The following PDE4B variants were observed in gnomAD, a reference collection of about 807,000 sequenced individuals.
The protein encoded by PDE4B is phosphodiesterase 4B.
Under a neutral mutation model 82.2 loss-of-function variants are expected in PDE4B, and 20 were observed. That is an observed-to-expected ratio of 0.24 (90% CI 0.17 to 0.35). The LOEUF is 0.35. Ranked by LOEUF, PDE4B falls within the 10% of genes least tolerant of loss-of-function variation. The pLI is 1.00. For synonymous variants in PDE4B, 320 were observed against 318.9 expected (o/e 1.00, Z -0.04); for missense variants, 655 against 907.2 (o/e 0.72, Z 3.57).
chr1:65,987,698 C>T lies in PDE4B; in HGVS notation c.281+68863C>T, dbSNP rs144451972. On this transcript the variant is annotated intron_variant, in intron 3 of 16. Transcript: ENST00000341517. Reference sequence around the variant, plus strand: ...CACAATCTCTGCTCACCACAACCTCCACTTCCTGGGTTCCAGTAATTCTCC... The same window carrying T: ...CACAATCTCTGCTCACCACAACCTCTACTTCCTGGGTTCCAGTAATTCTCC... Among the ~76,000 whole-genome samples, 8 of 152,262 alleles carry T rather than the reference C, an allele frequency of 5.3e-5. No homozygotes were observed. In the East Asian group the frequency reaches 1.5e-3, roughly 29 times the overall value.
At position 66,372,673 on chromosome 1, in the gene PDE4B, A is replaced by G; in HGVS notation, c.2206A>G (p.Thr736Ala). The change falls in exon 17 of 17, where the codon ACA becomes GCA. Residue 736 changes from threonine to alanine, a missense_variant. Physicochemically the swap from Thr to Ala is moderately conservative, Grantham distance 58. Around this residue, in one of 3 missense-constraint regions of PDE4B, gnomAD observed 119 missense variants for 115.2 expected, o/e 1.03. Transcript: ENST00000341517. The stretch of plus-strand genomic sequence containing the variant: ...AACAGAAGACAAGTCCCCCGTGGAT[A>G]CATAATCCCCCTCTCCCTGTGGAGA... ...IATEDKSPVDT is the reference protein window; with the variant it reads ...IATEDKSPVDA 3.1e-6 allele frequency: 5 copies of G among 1,610,442 alleles called. No individual in the cohort carries two copies. The highest frequency in any genetic ancestry group is 4.2e-6 in the Non-Finnish European group (5 of 1,177,732).
chr1:65,870,452 G>T (rs1646560238), intron 1 of PDE4B, among the ~76,000 whole-genome samples: 1 of 151,876 alleles, frequency 6.6e-6, no homozygotes, highest in Non-Finnish European at 1.5e-5. Flanking sequence ...GAATAGGAAG[G>T]CCAAAAATTA....
intron 3 of PDE4B, among the ~76,000 whole-genome samples, chr1:66,183,612 A>C (rs909544747): frequency 3.9e-5 from 6 of 152,204 alleles, no homozygotes; most frequent in African/African-American, 1.4e-4. Context: ...AAGCATTATC[A>C]CTTTCACTTT....
chr1:66,247,100 G>T (rs1256451078), intron 3 of PDE4B, among the ~76,000 whole-genome samples: 1 of 152,150 alleles, frequency 6.6e-6, no homozygotes, highest in Non-Finnish European at 1.5e-5. Flanking sequence ...CCCCTCTAAA[G>T]TTGCTTATTA....
rs549597640 is a variant in PDE4B at position 65,862,830 on chromosome 1, A to G, written c.-70-50415A>G. 2.2e-4 allele frequency among the ~76,000 whole-genome samples: 34 copies of G among 152,162 alleles called. 1 individual carries two copies. In the Middle Eastern group the frequency reaches 0.017, roughly 76 times the overall value. On this transcript the variant is annotated intron_variant, in intron 1 of 16. Coordinates refer to ENST00000341517, the MANE Select transcript of PDE4B (RefSeq NM_002600.4). Reference sequence around the variant, plus strand: ...ACATTTCTTCTAGATTTTCTAGTTTATTTGCATAGAGGTGTTTATAGTATT... The same window carrying G: ...ACATTTCTTCTAGATTTTCTAGTTTGTTTGCATAGAGGTGTTTATAGTATT...
intron 1 of PDE4B, among the ~76,000 whole-genome samples, chr1:65,887,232 TTC>T (rs1226629783): frequency 2.3e-4 from 6 of 25,946 alleles, no homozygotes; most frequent in African/African-American, 1.3e-3. Context: ...CTTTCTTTCT[TTC>T]TTTCTTTCTT....
At position 66,247,533 on chromosome 1, in the gene PDE4B, G is replaced by A. The variant is rs1257837118; in HGVS notation, c.355G>A (p.Val119Ile). The part of the protein sequence containing the change: ...DPQASSSAGL[V>I]LHATFPGHSQ... Reference sequence around the variant, plus strand: ...CCAGGCCAGCTCTTCCGCTGGGCTGGTACTTCACGCCACCTTTCCTGGGCA... The same window carrying A: ...CCAGGCCAGCTCTTCCGCTGGGCTGATACTTCACGCCACCTTTCCTGGGCA... The change falls in exon 4 of 17, where the codon GTA becomes ATA. Residue 119 changes from valine (V) to isoleucine (I), a missense_variant. Physicochemically the swap from Val to Ile is conservative, Grantham distance 29. Transcript: ENST00000341517. The A allele has an allele frequency of 1.2e-6, 2 of 1,613,052 alleles. No individual in the cohort carries two copies. The highest frequency in any genetic ancestry group is 1.7e-6 in the Non-Finnish European group (2 of 1,179,426).
chr1:66,359,926 A>G (rs1662616091), intron 9 of PDE4B, among the ~76,000 whole-genome samples: 1 of 152,178 alleles, frequency 6.6e-6, no homozygotes, highest in African/African-American at 2.4e-5. Context: ...GAGCAAAGTA[A>G]TTGCAAAATA....
chr1:66,060,750 G>A (rs1655543375), intron 3 of PDE4B, among the ~76,000 whole-genome samples: 1 of 152,116 alleles, frequency 6.6e-6, no homozygotes, highest in East Asian at 1.9e-4. Flanking sequence ...GGACAGTGCT[G>A]TTTTAGGTGT....
chr1:66,101,907 C>T (rs1645232699), intron 3 of PDE4B, among the ~76,000 whole-genome samples: 1 of 152,128 alleles, frequency 6.6e-6, no homozygotes, highest in Non-Finnish European at 1.5e-5. Flanking sequence ...AGTCCTTGCC[C>T]ATGCCTATGT....
chr1:65,942,362 C>A (rs1469350660), intron 3 of PDE4B, among the ~76,000 whole-genome samples: 1 of 149,406 alleles, frequency 6.7e-6, no homozygotes, highest in African/African-American at 2.5e-5. Context: ...GAAATTCCTT[C>A]TTTTTTTTTT....
At chr1:65,818,336 A>G (rs913557386) in intron 1 of PDE4B, among the ~76,000 whole-genome samples, 2 of 151,972 alleles carry the variant, frequency 1.3e-5, no homozygotes, top group African/African-American at 4.8e-5. Flanking sequence ...AATTACTTGT[A>G]ATTTTCCTAG....
At chr1:66,348,972 A>G (rs912443760) in intron 8 of PDE4B, among the ~76,000 whole-genome samples, 2 of 152,104 alleles carry the variant, frequency 1.3e-5, no homozygotes, top group Admixed American at 1.3e-4. Context: ...AGGAAACGTC[A>G]ATTTTTTAGT....
chr1:65,848,199 C>T (rs574249723), intron 1 of PDE4B, among the ~76,000 whole-genome samples: 4 of 151,540 alleles, frequency 2.6e-5, no homozygotes, highest in Non-Finnish European at 4.4e-5. Context: ...TGTGCAGTGG[C>T]GTGATCTTGG....
In PDE4B at chr1:66,146,293, C is replaced by T. The variant is rs1646270887; in HGVS notation, c.282-101167C>T. ...CCGCCTCCCAGGTTCACGCCATTCT[C>T]CTGCCTCAGCCTCCCGAGTAGCTGG... On this transcript the variant is annotated intron_variant, in intron 3 of 16. Coordinates refer to ENST00000341517, the MANE Select transcript of PDE4B (RefSeq NM_002600.4). Among the ~76,000 whole-genome samples, 3 of 149,074 alleles carry T rather than the reference C, an allele frequency of 2.0e-5. No individual in the cohort carries two copies. In the Admixed American group the frequency reaches 2.0e-4, roughly 10 times the overall value.
At chr1:65,985,294 C>A (rs189922771) in intron 3 of PDE4B, among the ~76,000 whole-genome samples, 2 of 151,976 alleles carry the variant, frequency 1.3e-5, no homozygotes, top group Non-Finnish European at 2.9e-5. Context: ...TTTTTAAGAG[C>A]AGTGGAGTGG....
intron 7 of PDE4B, among the ~76,000 whole-genome samples, chr1:66,319,335 C>T (rs552814073): frequency 1.4e-4 from 22 of 152,176 alleles, no homozygotes; most frequent in Non-Finnish European, 2.8e-4. Context: ...GAAATTCCTT[C>T]GACCATTTTC....
intron 7 of PDE4B, among the ~76,000 whole-genome samples, chr1:66,277,167 A>G (rs1191996201): frequency 2.6e-5 from 4 of 151,592 alleles, no homozygotes; most frequent in Non-Finnish European, 5.9e-5. Flanking sequence ...CTGAGAGAGT[A>G]ACCAACACCT....
chr1:66,312,314 G>T (rs946960183), intron 7 of PDE4B, among the ~76,000 whole-genome samples: 1 of 152,096 alleles, frequency 6.6e-6, no homozygotes, highest in Non-Finnish European at 1.5e-5. Flanking sequence ...GGCTTAAAAC[G>T]ACACAAACCA....
Sources: allele counts gnomAD v4.1 joint callset (sites outside exome capture counted in the v4.1 genomes callset), GRCh38; gene constraint gnomAD v4.1.1; regional missense constraint gnomAD v4.1.1; transcripts MANE v1.5; gene names NCBI Gene and HGNC (gene_info 2026-07-23, HGNC 2026-07-21).